The following GPR161 variants were observed in gnomAD, a reference collection of about 807,000 sequenced individuals.
GPR161 encodes G protein-coupled receptor 161.
GPR161 carries 25 observed loss-of-function variants against 39.2 expected under a neutral mutation model. That is an observed-to-expected ratio of 0.64 (90% CI 0.47 to 0.89). The LOEUF (loss-of-function observed/expected upper bound fraction) is 0.89, where lower values mean the gene tolerates loss of function less well. GPR161 is among the 40% of genes least tolerant of loss of function. GPR161 has a pLI of 0.00. For synonymous variants in GPR161, 286 were observed against 276.6 expected (o/e 1.03, Z -0.34); for missense variants, 547 against 677.8 (o/e 0.81, Z 2.14).
chr1:168,112,052 G>A (rs1202974489), intron 1 of GPR161, among the ~76,000 whole-genome samples: 2 of 151,800 alleles, frequency 1.3e-5, no homozygotes, highest in Non-Finnish European at 2.9e-5. Context: ...TCAAGAGAAG[G>A]TGAATATACT....
At chr1:168,112,308 G>A (rs112522705) in intron 1 of GPR161, among the ~76,000 whole-genome samples, 16,503 of 151,472 alleles carry the variant, frequency 0.11, 1,009 homozygotes, top group African/African-American at 0.16. Context: ...GTGAAACCTC[G>A]TCTCTACTAA....
At chr1:168,122,807 A>G (rs1454119956) in intron 1 of GPR161, among the ~76,000 whole-genome samples, 1 of 151,770 alleles carries the variant, frequency 6.6e-6, no homozygotes, top group Non-Finnish European at 1.5e-5. Flanking sequence ...TCCTGGCCCC[A>G]TCCCCTTCTT....
rs914391509 is a variant in GPR161 at position 168,084,121 on chromosome 1, C to T, written c.*1410G>A. On this transcript the variant is annotated 3_prime_UTR_variant, in exon 6 of 6. Coordinates refer to ENST00000682931, the MANE Select transcript of GPR161 (RefSeq NM_001375883.1). ...AAAGGGAGGAGAAGAGAGGTTTAAC[C>T]ATCCCAATCACATTCCTGTGCTTCC... The T allele has an allele frequency of 1.3e-5, 2 of 154,366 alleles. No individual in the cohort carries two copies. Among genetic ancestry groups the T allele is most frequent in the African/African-American group, 2.4e-5 (1 of 41,440 alleles). The allele number at this position is 154,366 out of a possible 1,614,324, so 9.6% of individuals were successfully genotyped here. A position where few individuals can be genotyped will look rare whatever the true frequency, so the allele number is the denominator to read the frequency against.
At chr1:168,136,710 C>G (rs1011046240) in intron 1 of GPR161, 29 bp downstream of exon 1, 4 of 1,042,676 alleles carry the variant, frequency 3.8e-6, no homozygotes, top group African/African-American at 3.4e-5. Flanking sequence ...CGCCCGGGCC[C>G]GCGCCCGCGC....
At position 168,097,192 on chromosome 1, in the gene GPR161, T is replaced by C. The variant is rs986458911; in HGVS notation, c.415A>G (p.Ile139Val). Reference sequence around the variant, plus strand: ...GCCATCACAGCCCGGTTCCCTGTGATCTTCATGGGGTACACCATGGGGTAC... The same window carrying C: ...GCCATCACAGCCCGGTTCCCTGTGACCTTCATGGGGTACACCATGGGGTAC... ...VLYPMVYPMK[I>V]TGNRAVMALV... Residue 139 changes from isoleucine (I) to valine (V), a missense_variant, in exon 3 of 6, where the codon ATC becomes GTC. Ile to Val is a conservative substitution (Grantham distance 29, BLOSUM62 3). Transcript: ENST00000682931. 1 of 1,613,612 alleles carries C rather than the reference T, an allele frequency of 6.2e-7. No individual in the cohort carries two copies. Among genetic ancestry groups the C allele is most frequent in the African/African-American group, 1.3e-5 (1 of 74,864 alleles).
At chr1:168,105,242 C>T (rs1012120047) in intron 1 of GPR161, among the ~76,000 whole-genome samples, 3 of 152,164 alleles carry the variant, frequency 2.0e-5, no homozygotes, top group African/African-American at 7.2e-5. Context: ...GTTCTGGGCG[C>T]AGAGATCACA....
chr1:168,116,118 C>T (rs1373816371), intron 1 of GPR161, among the ~76,000 whole-genome samples: 2 of 152,150 alleles, frequency 1.3e-5, no homozygotes, highest in African/African-American at 2.4e-5. Context: ...TTCTGATATC[C>T]TTAAATCTGC....
At position 168,096,959 on chromosome 1, in the gene GPR161, C is replaced by G; in HGVS notation, c.648G>C (p.Arg216Ser). 6.2e-7 allele frequency: 1 copy of G among 1,614,154 alleles called. No homozygotes were observed. Among genetic ancestry groups the G allele is most frequent in the Non-Finnish European group, 8.5e-7 (1 of 1,180,038 alleles). The change falls in exon 3 of 6, where the codon AGG (arginine) becomes AGC (serine). Residue 216 changes from arginine to serine, a missense_variant. By Grantham distance (110) the Arg-to-Ser change is moderately radical (BLOSUM62 -1). Transcript: ENST00000682931. ...VCYGFIFRVARVKARKVHCGT... is the reference protein window; with the variant it reads ...VCYGFIFRVASVKARKVHCGT... Reference sequence around the variant, plus strand: ...CACAGTGCACCTTGCGTGCCTTGACCCTGGCCACGCGGAAGATGAAGCCAT... The same window carrying G: ...CACAGTGCACCTTGCGTGCCTTGACGCTGGCCACGCGGAAGATGAAGCCAT...
At chr1:168,086,169 T>G (rs1694475148) in intron 5 of GPR161, among the ~76,000 whole-genome samples, 1 of 152,228 alleles carries the variant, frequency 6.6e-6, no homozygotes, top group Admixed American at 6.5e-5. Context: ...TTTACATCTT[T>G]GAAAGAGTAT....
intron 1 of GPR161, among the ~76,000 whole-genome samples, chr1:168,107,503 C>A (rs1220586293): frequency 6.6e-6 from 1 of 152,176 alleles, no homozygotes; most frequent in Non-Finnish European, 1.5e-5. Context: ...CCATGTGATG[C>A]CCTGTGCCAC....
chr1:168,134,543 G>A (rs1401345716), intron 1 of GPR161, among the ~76,000 whole-genome samples: 6 of 152,068 alleles, frequency 3.9e-5, no homozygotes. Context: ...TTTCTCCCCT[G>A]CTGTCATGCT....
rs149441617 is a variant in GPR161 at position 168,104,566 on chromosome 1, A to G, written c.285T>C (p.Phe95=). The G allele has an allele frequency of 1.5e-5, 25 of 1,614,008 alleles. No homozygotes were observed. In the African/African-American group the frequency reaches 3.1e-4, roughly 20 times the overall value. Residue 95 remains phenylalanine, a synonymous_variant, in exon 2 of 6, where the codon TTT becomes TTC. Coordinates refer to ENST00000682931, the MANE Select transcript of GPR161 (RefSeq NM_001375883.1). ...CAGAGAAGTTGCACCACACTACACC[A>G]AAGATCCATTCCCTGCGGATGGAGC... The part of the protein sequence containing the change: ...VTSSIRREWI[F]GVVWCNFSAL...
At chr1:168,094,328 A>C (rs1470475548) in intron 3 of GPR161, among the ~76,000 whole-genome samples, 1 of 152,122 alleles carries the variant, frequency 6.6e-6, no homozygotes, top group Non-Finnish European at 1.5e-5. Flanking sequence ...CTAATACATT[A>C]ATCAGTGAAA....
chr1:168,133,603 G>A (rs1271792510), intron 1 of GPR161, among the ~76,000 whole-genome samples: 1 of 152,150 alleles, frequency 6.6e-6, no homozygotes, highest in African/African-American at 2.4e-5. Context: ...GTAAACCACA[G>A]AGCATTATTA....
intron 1 of GPR161, chr1:168,136,313 C>T: frequency 6.7e-7 from 1 of 1,484,066 alleles, no homozygotes; most frequent in Non-Finnish European, 8.9e-7. Context: ...CACCCTTTGC[C>T]CTGAGCGGGA....
At position 168,097,163 on chromosome 1, in the gene GPR161, A is replaced by G; in HGVS notation, c.444T>C (p.Leu148=). The G allele has an allele frequency of 6.2e-7, 1 of 1,614,090 alleles. No individual in the cohort carries two copies. Among genetic ancestry groups the G allele is most frequent in the Non-Finnish European group, 8.5e-7 (1 of 1,180,008 alleles). The change falls in exon 3 of 6, where the codon CTT becomes CTC. Residue 148 remains leucine (L), a synonymous_variant. Transcript: ENST00000682931. ...TGAGCGAGTGAAGCCAGATGTAGAC[A>G]AGTGCCATCACAGCCCGGTTCCCTG... ...KITGNRAVMA[L]VYIWLHSLIG...
In GPR161 at chr1:168,084,921, G is replaced by C. The variant is rs961851650; in HGVS notation, c.*610C>G. ...AAGAGGCCTGTGGCTGTCCCTATTA[G>C]CACCAGCAGGTGGCGCCACTGAGGA... On this transcript the variant is annotated 3_prime_UTR_variant, in exon 6 of 6. Transcript: ENST00000682931. 2.8e-5 allele frequency: 13 copies of C among 456,308 alleles called. No homozygotes were observed. Among genetic ancestry groups the C allele is most frequent in the African/African-American group, 2.6e-4 (13 of 50,210 alleles). 28.3% of individuals were successfully genotyped at this position (456,308 alleles called of 1,614,324 possible).
chr1:168,134,815 TCC>T, intron 1 of GPR161: 2 of 1,162,186 alleles, frequency 1.7e-6, no homozygotes, highest in South Asian at 2.6e-5. Flanking sequence ...AGCACACAGC[TCC>T]CACCCAGCCC....
At chr1:168,116,744 G>A (rs1697666684) in intron 1 of GPR161, among the ~76,000 whole-genome samples, 1 of 152,170 alleles carries the variant, frequency 6.6e-6, no homozygotes, top group African/African-American at 2.4e-5. Context: ...GCAACCCCAG[G>A]GGCGTGTACC....
Sources: gnomAD v4.1 joint callset for allele counts (sites outside exome capture counted in the v4.1 genomes callset) on GRCh38, gnomAD v4.1.1 for gene constraint, MANE v1.5 for transcripts, NCBI Gene and HGNC (gene_info 2026-07-23, HGNC 2026-07-21) for gene names.